The following PRIM2 variants were observed in gnomAD, a reference collection of about 807,000 sequenced individuals.
The protein encoded by PRIM2 is DNA primase large subunit.
A neutral mutation model predicts 67.3 loss-of-function variants in PRIM2; 39 were observed. The ratio of observed to expected loss-of-function variants is 0.58; its 90% CI spans 0.45 to 0.76. The LOEUF is 0.76. Ranked by LOEUF, PRIM2 falls within the 30% of genes least tolerant of loss-of-function variation. The pLI is 0.00. For synonymous variants in PRIM2, 143 were observed against 198.7 expected, an observed-to-expected ratio of 0.72 and a Z score of 2.36; for missense variants, 398 against 598.7, an observed-to-expected ratio of 0.66 and a Z score of 3.50.
chr6:57,539,640 GTGTGTGTGTGTGTGTGTA>G (rs1775097464), intron 10 of PRIM2, among the ~76,000 whole-genome samples: 1 of 70,988 alleles, frequency 1.4e-5, no homozygotes, highest in African/African-American at 7.0e-5. Context: ...GTGTGTGTGT[GTGTGTGTGTGTGTGTGTA>G]TATATATATA....
chr6:57,330,810 A>C (rs1345025790), intron 5 of PRIM2, among the ~76,000 whole-genome samples: 1 of 152,064 alleles, frequency 6.6e-6, no homozygotes, highest in Admixed American at 6.6e-5. Flanking sequence ...GAATATTTTC[A>C]TTAAGAAAGG....
chr6:57,465,821 CT>C (rs35803652), intron 7 of PRIM2, among the ~76,000 whole-genome samples: 4 of 150,134 alleles, frequency 2.7e-5, no homozygotes, highest in East Asian at 1.9e-4. Context: ...GATAATGATT[CT>C]TTTTTTTTAT....
At chr6:57,589,826 T>C (rs1221936111) in intron 10 of PRIM2, among the ~76,000 whole-genome samples, 1 of 151,958 alleles carries the variant, frequency 6.6e-6, no homozygotes, top group East Asian at 1.9e-4. Context: ...GAAGTTCCCA[T>C]GGGAGAAGCA....
intron 5 of PRIM2, among the ~76,000 whole-genome samples, chr6:57,377,267 T>C (rs1173834464): frequency 6.6e-6 from 1 of 152,186 alleles, no homozygotes; most frequent in African/African-American, 2.4e-5. Flanking sequence ...ACTTCTGGAT[T>C]TTCTAAGTAT....
chr6:57,534,505 T>A (rs1935314094), intron 9 of PRIM2, among the ~76,000 whole-genome samples: 2 of 152,194 alleles, frequency 1.3e-5, no homozygotes. Flanking sequence ...ACACTATCTT[T>A]TTAATTTTTA....
intron 7 of PRIM2, among the ~76,000 whole-genome samples, chr6:57,481,488 G>C (rs1280555124): frequency 1.3e-5 from 2 of 151,950 alleles, no homozygotes; most frequent in Non-Finnish European, 2.9e-5. Flanking sequence ...CCATTTATCT[G>C]TTGAAGGGCA....
intron 5 of PRIM2, 33 bp from the exon 6 acceptor site, chr6:57,379,868 A>G: frequency 6.6e-7 from 1 of 1,523,416 alleles, no homozygotes; most frequent in Non-Finnish European, 8.8e-7. Context: ...AGGACTTCAA[A>G]TTTTTGTAAC....
chr6:57,343,403 C>A (rs1407259466), intron 5 of PRIM2, among the ~76,000 whole-genome samples: 2 of 152,194 alleles, frequency 1.3e-5, no homozygotes, highest in Non-Finnish European at 2.9e-5. Flanking sequence ...AGCCTATTAA[C>A]AAGTTGCAAA....
chr6:57,479,674 G>A (rs1347673040), intron 7 of PRIM2, among the ~76,000 whole-genome samples: 17 of 152,284 alleles, frequency 1.1e-4, no homozygotes, highest in South Asian at 8.3e-4. Context: ...ATTCAAATGC[G>A]CCACTGTCCT....
intron 10 of PRIM2, among the ~76,000 whole-genome samples, chr6:57,566,104 A>ATGT (rs1775732826): frequency 7.0e-6 from 1 of 143,136 alleles, no homozygotes; most frequent in Admixed American, 6.9e-5. Context: ...CCAGTTCTAT[A>ATGT]TGTTTCACAT....
chr6:57,517,157 T>G (rs1774504500), intron 8 of PRIM2, among the ~76,000 whole-genome samples: 1 of 152,194 alleles, frequency 6.6e-6, no homozygotes, highest in Admixed American at 6.5e-5. Context: ...TTTAATACTT[T>G]TAATATCTGC....
intron 7 of PRIM2, among the ~76,000 whole-genome samples, chr6:57,412,789 G>A (rs561943053): frequency 1.1e-4 from 17 of 152,070 alleles, no homozygotes; most frequent in Admixed American, 3.3e-4. Context: ...ACAAGTTCCT[G>A]TAATAAAAGA....
At chr6:57,458,350 A>T (rs1772879477) in intron 7 of PRIM2, among the ~76,000 whole-genome samples, 1 of 152,218 alleles carries the variant, frequency 6.6e-6, no homozygotes. Context: ...GACATTAATG[A>T]GATAAGGAAG....
chr6:57,296,099 G>A, the PRIM2 span, among the ~76,000 whole-genome samples: 75,124 of 151,954 alleles, frequency 0.49, 20,797 homozygotes, highest in African/African-American at 0.73. Context: ...ACCATATTAC[G>A]AATGAATAAC....
intron 5 of PRIM2, among the ~76,000 whole-genome samples, chr6:57,341,275 G>A (rs975622301): frequency 6.6e-6 from 1 of 152,110 alleles, no homozygotes. Flanking sequence ...TTAGAACGTC[G>A]GTGGAGGTTA....
At chr6:57,490,521 G>A (rs1554345879) in intron 7 of PRIM2, among the ~76,000 whole-genome samples, 2 of 152,046 alleles carry the variant, frequency 1.3e-5, no homozygotes, top group Admixed American at 6.5e-5. Context: ...CAGAATTATC[G>A]AACCGAGGGA....
intron 10 of PRIM2, among the ~76,000 whole-genome samples, chr6:57,551,667 A>G (rs2127475158): frequency 6.6e-6 from 1 of 152,238 alleles, no homozygotes; most frequent in South Asian, 2.1e-4. Context: ...AGTGAACAAT[A>G]TAGAAAAAAA....
intron 4 of PRIM2, among the ~76,000 whole-genome samples, chr6:57,325,574 A>T (rs983035455): frequency 6.6e-6 from 1 of 152,202 alleles, no homozygotes; most frequent in African/African-American, 2.4e-5. Context: ...GATTACGGGC[A>T]TGAACCACGA....
chr6:57,268,396 G>C, the PRIM2 span, among the ~76,000 whole-genome samples: 1 of 152,066 alleles, frequency 6.6e-6, no homozygotes, highest in Admixed American at 6.5e-5. Context: ...TTCATATATT[G>C]AGAAGACTAA....
Sources: allele counts gnomAD v4.1 joint callset (sites outside exome capture counted in the v4.1 genomes callset), GRCh38; gene constraint gnomAD v4.1.1; transcripts MANE v1.5; gene names NCBI Gene and HGNC (gene_info 2026-07-23, HGNC 2026-07-21).